The following IQSEC1 variants were observed in gnomAD, a reference collection of about 807,000 sequenced individuals.
The protein encoded by IQSEC1 is IQ motif and Sec7 domain ArfGEF 1.
IQSEC1 carries 31 observed loss-of-function variants against 91.0 expected under a neutral mutation model. That is an observed-to-expected ratio of 0.34 (90% CI 0.26 to 0.46). The LOEUF (loss-of-function observed/expected upper bound fraction) is 0.46, where lower values mean the gene tolerates loss of function less well. Among genes scored for constraint, IQSEC1 ranks in the 20% least tolerant of loss-of-function variants. The pLI, the probability that IQSEC1 is intolerant of heterozygous loss-of-function variation, is 1.00. For missense variants in IQSEC1, 1,388 were observed against 1,575.6 expected, an observed-to-expected ratio of 0.88 and a Z score of 2.02; for synonymous variants, 699 against 662.6, an observed-to-expected ratio of 1.05 and a Z score of -0.84.
chr3:12,901,306 CAG>C lies in IQSEC1; in HGVS notation c.3020_3021del (p.Ser1007CysfsTer185). 1 of 1,540,512 alleles carries C rather than the reference CAG, an allele frequency of 6.5e-7. No individual in the cohort carries two copies. Reference protein sequence around the residue: ...PPVVLPHLQHSVAGHHLGPPE... With the variant: ...PPVVLPHLQHXVAGHHLGPPE... Reference sequence around the variant, plus strand: ...GGGGGCCCCAGGTGGTGGCCAGCCACAGAGTGCTGCAAGTGAGGCAGGACCAC... The same window carrying C: ...GGGGGCCCCAGGTGGTGGCCAGCCACAGTGCTGCAAGTGAGGCAGGACCAC... On this transcript the variant is annotated frameshift_variant, in exon 14 of 14. Transcript: ENST00000613206. LOFTEE classifies it low-confidence loss of function (END_TRUNC).
At chr3:13,141,708 C>T (rs564520715) in intron 2 of IQSEC1, among the ~76,000 whole-genome samples, 1 of 152,314 alleles carries the variant, frequency 6.6e-6, no homozygotes, top group South Asian at 2.1e-4. Flanking sequence ...CCTCCTCGAC[C>T]TACATATCAG....
intron 2 of IQSEC1, among the ~76,000 whole-genome samples, chr3:13,113,254 C>G (rs560420209): frequency 3.3e-5 from 5 of 152,294 alleles, no homozygotes. Context: ...AAGTGCTAGT[C>G]AGGAAGGGCT....
chr3:13,200,271 C>A (rs536993562), intron 1 of IQSEC1, among the ~76,000 whole-genome samples: 2 of 150,146 alleles, frequency 1.3e-5, no homozygotes, highest in African/African-American at 2.5e-5. Context: ...CACACACACA[C>A]CACACACACA....
intron 1 of IQSEC1, among the ~76,000 whole-genome samples, chr3:13,261,144 G>A (rs1425903406): frequency 6.6e-6 from 1 of 152,222 alleles, no homozygotes; most frequent in South Asian, 2.1e-4. Flanking sequence ...TGGGGAGGCC[G>A]CCCAGGCGCC....
intron 2 of IQSEC1, among the ~76,000 whole-genome samples, chr3:13,086,539 C>T (rs1349468731): frequency 2.6e-5 from 4 of 152,120 alleles, no homozygotes; most frequent in African/African-American, 7.2e-5. Context: ...TTCTGTATTG[C>T]GGTGTATCGT....
At chr3:13,087,531 G>A (rs759258761) in intron 2 of IQSEC1, among the ~76,000 whole-genome samples, 3 of 152,158 alleles carry the variant, frequency 2.0e-5, no homozygotes, top group Admixed American at 6.5e-5. Context: ...CTTGACAGCC[G>A]TGATGACTTT....
At chr3:13,108,065 C>T (rs1706182893) in intron 2 of IQSEC1, among the ~76,000 whole-genome samples, 1 of 152,240 alleles carries the variant, frequency 6.6e-6, no homozygotes, top group Non-Finnish European at 1.5e-5. Context: ...ACTCATAACC[C>T]CACCGCCTGG....
chr3:13,147,158 A>ATGT (rs151214226), intron 2 of IQSEC1, among the ~76,000 whole-genome samples: 5,941 of 152,224 alleles, frequency 0.039, 387 homozygotes, highest in African/African-American at 0.13. Context: ...TGTCCTTTTA[A>ATGT]TGTTGTTATT....
chr3:13,070,195 T>C (rs771589934), intron 1 of IQSEC1, among the ~76,000 whole-genome samples: 4 of 152,220 alleles, frequency 2.6e-5, no homozygotes, highest in Non-Finnish European at 4.4e-5. Flanking sequence ...CGATTTGACA[T>C]GTGGCATGCT....
chr3:13,070,043 G>A (rs1705362345), intron 1 of IQSEC1, among the ~76,000 whole-genome samples: 1 of 151,936 alleles, frequency 6.6e-6, no homozygotes, highest in African/African-American at 2.4e-5. Flanking sequence ...TGCACACCAG[G>A]GGCCCAGAGA....
intron 1 of IQSEC1, among the ~76,000 whole-genome samples, chr3:12,955,500 G>A (rs538000685): frequency 1.3e-5 from 2 of 152,324 alleles, no homozygotes; most frequent in South Asian, 4.1e-4. Flanking sequence ...CCCCAGCCAG[G>A]GCCTCTGCCT....
intron 1 of IQSEC1, among the ~76,000 whole-genome samples, chr3:13,228,025 G>A (rs777857324): frequency 5.9e-5 from 9 of 152,108 alleles, no homozygotes; most frequent in Admixed American, 2.0e-4. Flanking sequence ...TGAGGCCCTC[G>A]GCTGTCCCTG....
At chr3:13,248,363 G>A (rs974621095) in intron 1 of IQSEC1, among the ~76,000 whole-genome samples, 2 of 152,198 alleles carry the variant, frequency 1.3e-5, no homozygotes, top group Non-Finnish European at 2.9e-5. Flanking sequence ...TGGACTTCCT[G>A]GCCTCATCCC....
intron 1 of IQSEC1, among the ~76,000 whole-genome samples, chr3:13,275,151 G>A (rs1387750331): frequency 6.6e-6 from 1 of 152,230 alleles, no homozygotes; most frequent in Non-Finnish European, 1.5e-5. Context: ...CACAGGGTTA[G>A]AGCATCAACA....
chr3:13,231,808 G>A (rs1485424111), intron 1 of IQSEC1, among the ~76,000 whole-genome samples: 1 of 152,228 alleles, frequency 6.6e-6, no homozygotes, highest in Non-Finnish European at 1.5e-5. Flanking sequence ...ACCTCAGGAA[G>A]TTGGACTATT....
chr3:12,955,389 C>T (rs2125445551), intron 1 of IQSEC1, among the ~76,000 whole-genome samples: 1 of 152,358 alleles, frequency 6.6e-6, no homozygotes, highest in Admixed American at 6.5e-5. Flanking sequence ...CAGACTGGCT[C>T]CGCAGGCTGG....
intron 2 of IQSEC1, among the ~76,000 whole-genome samples, chr3:13,109,644 T>A (rs1706207731): frequency 6.6e-6 from 1 of 151,912 alleles, no homozygotes; most frequent in Admixed American, 6.6e-5. Flanking sequence ...GTGACCCTCC[T>A]CTCTCTCTCC....
chr3:13,157,635 T>C (rs940526112), intron 2 of IQSEC1, among the ~76,000 whole-genome samples: 2 of 152,026 alleles, frequency 1.3e-5, no homozygotes, highest in African/African-American at 4.8e-5. Flanking sequence ...ATCTCAATCA[T>C]AAACCCAGGG....
At chr3:12,982,298 C>A (rs1701503816) in intron 1 of IQSEC1, among the ~76,000 whole-genome samples, 2 of 152,166 alleles carry the variant, frequency 1.3e-5, no homozygotes, top group African/African-American at 4.8e-5. Context: ...CTGAGGATCC[C>A]AAAATTGTTT....
Sources: allele counts gnomAD v4.1 joint callset (sites outside exome capture counted in the v4.1 genomes callset), GRCh38; gene constraint gnomAD v4.1.1; transcripts MANE v1.5; gene names NCBI Gene and HGNC (gene_info 2026-07-23, HGNC 2026-07-21).